HSPA12A: variants seen among roughly 807,000 people sequenced by gnomAD.
HSPA12A encodes heat shock protein family A (Hsp70) member 12A, also known as heat shock 70 kDa protein 12A.
HSPA12A carries 28 observed loss-of-function variants against 69.2 expected under a neutral mutation model. The ratio of observed to expected loss-of-function variants is 0.40; its 90% CI spans 0.30 to 0.55. HSPA12A has a LOEUF of 0.55. Ranked by LOEUF, HSPA12A falls within the 20% of genes least tolerant of loss-of-function variation. HSPA12A has a pLI of 0.38. For missense variants in HSPA12A, 686 were observed against 900.7 expected, an observed-to-expected ratio of 0.76 and a Z score of 3.05; for synonymous variants, 345 against 370.5, an observed-to-expected ratio of 0.93 and a Z score of 0.79.
intron 1 of HSPA12A, among the ~76,000 whole-genome samples, chr10:116,737,032 T>A (rs1851338207): frequency 1.3e-5 from 2 of 152,162 alleles, no homozygotes; most frequent in Non-Finnish European, 2.9e-5. Flanking sequence ...CTCTGAGTGC[T>A]TTTCATATAA....
intron 10 of HSPA12A, 28 bp downstream of exon 10, chr10:116,679,475 A>T: frequency 6.2e-7 from 1 of 1,608,116 alleles, no homozygotes; most frequent in Non-Finnish European, 8.5e-7. Flanking sequence ...TAGAATGTCC[A>T]GAGCCCGAGG....
chr10:116,848,377 A>G (rs1217090386), intron 1 of HSPA12A, among the ~76,000 whole-genome samples: 1 of 152,230 alleles, frequency 6.6e-6, no homozygotes, highest in Non-Finnish European at 1.5e-5. Flanking sequence ...ATGCATCTGC[A>G]CCCATACGTG....
rs139099081 is a variant in HSPA12A at position 116,686,667 on chromosome 10, C to T, written c.664-2705G>A. The stretch of plus-strand genomic sequence containing the variant: ...GAAAAAGCAAGGTGGGCCTGGGCCA[C>T]GGCAGCAGGGACAGGGATGGGAAGG... On this transcript the variant is annotated intron_variant, in intron 6 of 11. Coordinates refer to ENST00000369209, the MANE Select transcript of HSPA12A (RefSeq NM_025015.3). This position sits in a 1 kb window ranked among gnomAD's most constrained non-coding sequence, Gnocchi z 4.1. Among the ~76,000 whole-genome samples the T allele has an allele frequency of 2.8e-4, 43 of 152,208 alleles. 1 individual carries two copies. The East Asian group carries it at 6.4e-3, about 23-fold the overall frequency.
chr10:116,675,411 C>T lies in HSPA12A; in HGVS notation c.1398G>A (p.Leu466=). The change falls in exon 12 of 12, where the codon CTG becomes CTA. Residue 466 remains leucine, a synonymous_variant. Coordinates refer to ENST00000369209, the MANE Select transcript of HSPA12A (RefSeq NM_025015.3). The surrounding 1 kb of genome is among the most constrained non-coding windows in gnomAD (Gnocchi z 5.2). ...IDSIIEHLRD[L]FQKPEVSTVK... ...CGGTGGACACCTCGGGCTTCTGAAA[C>T]AGGTCCCCTGGAAGGGAAGAGGCAG... The T allele has an allele frequency of 1.3e-6, 2 of 1,589,826 alleles. No homozygotes were observed. Among genetic ancestry groups the T allele is most frequent in the Non-Finnish European group, 8.6e-7 (1 of 1,168,320 alleles).
At chr10:116,807,743 A>G (rs936763217) in intron 2 of HSPA12A, among the ~76,000 whole-genome samples, 1 of 152,182 alleles carries the variant, frequency 6.6e-6, no homozygotes, top group Non-Finnish European at 1.5e-5. Flanking sequence ...CAAGGATCAC[A>G]CTGCAGCCGT....
chr10:116,808,663 G>A (rs1329622618), intron 2 of HSPA12A, among the ~76,000 whole-genome samples: 1 of 152,088 alleles, frequency 6.6e-6, no homozygotes, highest in Non-Finnish European at 1.5e-5. Flanking sequence ...TCCCCACAAT[G>A]GTCTGGCGTA....
chr10:116,712,473 C>T (rs1270269158), intron 1 of HSPA12A, among the ~76,000 whole-genome samples: 19 of 152,156 alleles, frequency 1.2e-4, no homozygotes, highest in South Asian at 2.1e-4. Context: ...TAATCCTCAT[C>T]GCTGGTCTTA....
chr10:116,847,381 A>G (rs1487941090), intron 1 of HSPA12A, among the ~76,000 whole-genome samples: 1 of 152,092 alleles, frequency 6.6e-6, no homozygotes, highest in Non-Finnish European at 1.5e-5. Context: ...TATAACAAAA[A>G]CCCATCAATG....
At chr10:116,772,225 G>C (rs2133119384) in intron 2 of HSPA12A, among the ~76,000 whole-genome samples, 1 of 152,268 alleles carries the variant, frequency 6.6e-6, no homozygotes, top group East Asian at 1.9e-4. Context: ...ATCAGTGCTG[G>C]GGCAGGGGGT....
chr10:116,700,738 G>T (rs1554881525), intron 4 of HSPA12A, among the ~76,000 whole-genome samples: 2 of 152,160 alleles, frequency 1.3e-5, no homozygotes, highest in South Asian at 4.1e-4. Context: ...CTGCCCACAT[G>T]CACATTGGAA....
At chr10:116,729,292 T>C (rs147869606) in intron 1 of HSPA12A, among the ~76,000 whole-genome samples, 1 of 152,082 alleles carries the variant, frequency 6.6e-6, no homozygotes, top group Non-Finnish European at 1.5e-5. Flanking sequence ...GGGTCGACCC[T>C]GAAAGTCCCT....
chr10:116,813,524 G>A (rs957338262), intron 2 of HSPA12A, among the ~76,000 whole-genome samples: 2 of 151,946 alleles, frequency 1.3e-5, no homozygotes, highest in African/African-American at 4.8e-5. Context: ...TGGGATTACA[G>A]GTGTGAGCCA....
intron 2 of HSPA12A, among the ~76,000 whole-genome samples, chr10:116,814,096 CAG>C (rs1299228770): frequency 3.3e-5 from 5 of 152,076 alleles, no homozygotes; most frequent in Admixed American, 1.3e-4. Flanking sequence ...TATTAAAAGA[CAG>C]AGAATTTCAG....
intron 2 of HSPA12A, among the ~76,000 whole-genome samples, chr10:116,820,077 C>G (rs1014222838): frequency 3.3e-5 from 5 of 152,200 alleles, no homozygotes; most frequent in Non-Finnish European, 7.3e-5. Context: ...ACCCACCTGG[C>G]CTCCCAAAGT....
intron 1 of HSPA12A, among the ~76,000 whole-genome samples, chr10:116,736,774 A>C (rs1284062270): frequency 6.6e-6 from 1 of 152,162 alleles, no homozygotes; most frequent in South Asian, 2.1e-4. Context: ...TTCTGCCAAC[A>C]CCTTGGTTTT....
intron 1 of HSPA12A, among the ~76,000 whole-genome samples, chr10:116,713,486 G>T (rs1197607369): frequency 6.6e-6 from 1 of 152,134 alleles, no homozygotes; most frequent in Non-Finnish European, 1.5e-5. Context: ...GGCCAAGTTG[G>T]GGGCAGCATC....
At chr10:116,814,378 C>T (rs978130154) in intron 2 of HSPA12A, among the ~76,000 whole-genome samples, 4 of 152,150 alleles carry the variant, frequency 2.6e-5, no homozygotes, top group Non-Finnish European at 5.9e-5. Flanking sequence ...CATACAGGAA[C>T]CCCCTTTTTG....
chr10:116,676,889 G>T (rs1275385071), intron 10 of HSPA12A, among the ~76,000 whole-genome samples: 1 of 152,208 alleles, frequency 6.6e-6, no homozygotes, highest in East Asian at 1.9e-4. Context: ...GCTACTTACG[G>T]CTACACATGT....
chr10:116,726,450 G>A (rs981482847), intron 1 of HSPA12A, among the ~76,000 whole-genome samples: 2 of 151,930 alleles, frequency 1.3e-5, no homozygotes, highest in Non-Finnish European at 2.9e-5. Context: ...CCTCCCCCGA[G>A]ACAGGCCTGG....
Sources: allele counts gnomAD v4.1 joint callset (sites outside exome capture counted in the v4.1 genomes callset), GRCh38; gene constraint gnomAD v4.1.1; non-coding constraint Gnocchi (gnomAD v3.1); transcripts MANE v1.5; gene names NCBI Gene and HGNC (gene_info 2026-07-23, HGNC 2026-07-21).